SEMA5B: variants seen among roughly 807,000 people sequenced by gnomAD.
SEMA5B encodes semaphorin-5B.
SEMA5B carries 66 observed loss-of-function variants against 135.0 expected under a neutral mutation model. That is an observed-to-expected ratio of 0.49 (90% CI 0.40 to 0.60). SEMA5B has a LOEUF of 0.60. Among genes scored for constraint, SEMA5B ranks in the 20% least tolerant of loss-of-function variants. The pLI, the probability that SEMA5B is intolerant of heterozygous loss-of-function variation, is 0.00. For missense variants in SEMA5B, 1,501 were observed against 1,566.3 expected, an observed-to-expected ratio of 0.96 and a Z score of 0.70; for synonymous variants, 690 against 639.5, an observed-to-expected ratio of 1.08 and a Z score of -1.19.
rs187127319 is a variant in SEMA5B at position 122,955,131 on chromosome 3, C to T, written c.124+6009G>A. Among the ~76,000 whole-genome samples, 130 of 150,278 alleles carry T rather than the reference C, an allele frequency of 8.7e-4. 2 individuals are homozygous for T. The highest frequency in any genetic ancestry group is 3.0e-3 in the African/African-American group (123 of 40,956). On this transcript the variant is annotated intron_variant, in intron 2 of 22. Coordinates refer to ENST00000357599, the MANE Select transcript of SEMA5B (RefSeq NM_001031702.4). Reference sequence around the variant, plus strand: ...ATCTTCTTCTTTTTTTTTTTTAGACCGTGTCTCTAAAAAAACAAAGGACGT... The same window carrying T: ...ATCTTCTTCTTTTTTTTTTTTAGACTGTGTCTCTAAAAAAACAAAGGACGT...
chr3:122,939,348 G>A, intron 5 of SEMA5B, 77 bp downstream of exon 5: 4 of 1,152,684 alleles, frequency 3.5e-6, no homozygotes, highest in Non-Finnish European at 2.6e-6. Flanking sequence ...ATTCTGAATG[G>A]CGCCACTTGC....
intron 14 of SEMA5B, among the ~76,000 whole-genome samples, chr3:122,914,347 C>T (rs1259335500): frequency 6.6e-6 from 1 of 152,176 alleles, no homozygotes; most frequent in Non-Finnish European, 1.5e-5. Context: ...CCCTTTCAGC[C>T]TTCCTGGCTG....
intron 10 of SEMA5B, among the ~76,000 whole-genome samples, chr3:122,923,231 T>C (rs1316014760): frequency 6.6e-6 from 1 of 152,172 alleles, no homozygotes; most frequent in Non-Finnish European, 1.5e-5. Flanking sequence ...ACTGACCACT[T>C]CCAGGAATTA....
intron 1 of SEMA5B, among the ~76,000 whole-genome samples, chr3:123,016,142 C>T (rs1942549268): frequency 6.6e-6 from 1 of 152,184 alleles, no homozygotes; most frequent in Non-Finnish European, 1.5e-5. Flanking sequence ...CAGCCCAAGC[C>T]TTAATTGATC....
At chr3:122,969,166 T>G (rs992074960) in intron 1 of SEMA5B, among the ~76,000 whole-genome samples, 10 of 152,236 alleles carry the variant, frequency 6.6e-5, no homozygotes, top group Non-Finnish European at 1.3e-4. Flanking sequence ...TCTTTTCAGA[T>G]GAGGAAACTG....
At chr3:122,966,764 T>C (rs1940855414) in intron 1 of SEMA5B, among the ~76,000 whole-genome samples, 1 of 150,462 alleles carries the variant, frequency 6.6e-6, no homozygotes, top group South Asian at 2.1e-4. Context: ...TTCACCATGT[T>C]AGCCAGGATG....
rs1941460179 is a variant in SEMA5B at position 122,979,797 on chromosome 3, C to G, written c.-38-18496G>C. ...CTGGCTATCTGGCTGTTTGTTTTGG[C>G]CAAACCAGCATACAGGCTCAAAACC... On this transcript the variant is annotated intron_variant, in intron 1 of 22. Coordinates refer to ENST00000357599, the MANE Select transcript of SEMA5B (RefSeq NM_001031702.4). 2.0e-5 allele frequency among the ~76,000 whole-genome samples: 3 copies of G among 152,200 alleles called. No homozygotes were observed. In the South Asian group the frequency reaches 6.2e-4, roughly 31 times the overall value.
In SEMA5B at chr3:122,912,279, T is replaced by A. The variant is rs1243890204; in HGVS notation, c.2789A>T (p.His930Leu). 6.2e-7 allele frequency: 1 copy of A among 1,611,912 alleles called. No individual in the cohort carries two copies. Among genetic ancestry groups the A allele is most frequent in the East Asian group, 2.2e-5 (1 of 44,762 alleles). ...SPCSASCGGG[H>L]YQRTRSCTSP... is the part of the protein sequence containing the mutation. ...GGTGCAGGAACGGGTGCGTTGATAG[T>A]GACCCCCACCACAGGAAGCTGAGCA... The change falls in exon 19 of 23, where the codon CAC becomes CTC. Residue 930 changes from histidine (H) to leucine (L), a missense_variant. His to Leu is a moderately conservative substitution (Grantham distance 99). Around this residue, in one of 2 missense-constraint regions of SEMA5B, gnomAD observed 927 missense variants for 881.6 expected, o/e 1.05. Transcript: ENST00000357599.
At chr3:123,022,942 G>A (rs9820092) in intron 1 of SEMA5B, among the ~76,000 whole-genome samples, 47,251 of 152,176 alleles carry the variant, frequency 0.31, 12,223 homozygotes, top group African/African-American at 0.71. Context: ...TTCAGAAGGA[G>A]AGTATTGGAG....
intron 1 of SEMA5B, chr3:122,976,116 T>C (rs1407431150): frequency 1.3e-6 from 2 of 1,535,274 alleles, no homozygotes; most frequent in Non-Finnish European, 8.7e-7. Flanking sequence ...TGCTGACAGA[T>C]GCAGCATGTG....
chr3:122,963,771 G>T (rs932411648), intron 1 of SEMA5B, among the ~76,000 whole-genome samples: 1 of 152,130 alleles, frequency 6.6e-6, no homozygotes, highest in Non-Finnish European at 1.5e-5. Flanking sequence ...ATAGAGGAAG[G>T]TGCCATAAAA....
chr3:122,997,814 C>T (rs900477251), intron 1 of SEMA5B, among the ~76,000 whole-genome samples: 3 of 151,944 alleles, frequency 2.0e-5, no homozygotes, highest in Admixed American at 6.5e-5. Context: ...GAGGCCTCTA[C>T]CCTCAGGCCA....
At chr3:122,970,002 G>A (rs9855912) in intron 1 of SEMA5B, among the ~76,000 whole-genome samples, 17,058 of 152,190 alleles carry the variant, frequency 0.11, 1,775 homozygotes, top group East Asian at 0.31. Flanking sequence ...TTCCTGCAGA[G>A]TTGGGTGGCT....
chr3:122,983,658 C>T (rs200423476), intron 1 of SEMA5B, among the ~76,000 whole-genome samples: 15 of 126,632 alleles, frequency 1.2e-4, no homozygotes, highest in African/African-American at 4.5e-4. Flanking sequence ...GCGGAGCTTG[C>T]AGTGAACCAA....
chr3:123,018,265 G>A (rs191075728), intron 1 of SEMA5B, among the ~76,000 whole-genome samples: 1 of 152,346 alleles, frequency 6.6e-6, no homozygotes, highest in African/African-American at 2.4e-5. Context: ...TTGGGAAGAT[G>A]CTCATTCTAG....
chr3:122,943,156 C>G lies in SEMA5B; in HGVS notation c.428+280G>C, dbSNP rs538265829. Among the ~76,000 whole-genome samples, 11 of 152,276 alleles carry G rather than the reference C, an allele frequency of 7.2e-5. No homozygotes were observed. The East Asian group carries it at 1.7e-3, about 24-fold the overall frequency. ...AGCCGGGCAGGGACCAGGCAGGGAC[C>G]GGGCAGGAGGTGGCCAGCAGGCGTC... On this transcript the variant is annotated intron_variant, in intron 4 of 22. Coordinates refer to ENST00000357599, the MANE Select transcript of SEMA5B (RefSeq NM_001031702.4).
intron 2 of SEMA5B, among the ~76,000 whole-genome samples, chr3:122,958,921 C>T (rs753459657): frequency 3.9e-5 from 6 of 152,104 alleles, no homozygotes; most frequent in Non-Finnish European, 7.3e-5. Flanking sequence ...ATGAGTGTTC[C>T]GGCAGTCCTC....
chr3:123,022,247 T>A (rs1576414404), intron 1 of SEMA5B, among the ~76,000 whole-genome samples: 1 of 152,352 alleles, frequency 6.6e-6, no homozygotes, highest in Non-Finnish European at 1.5e-5. Flanking sequence ...CTCAGGGGAC[T>A]GGCAGGACAG....
chr3:123,006,457 C>T (rs778706580), intron 1 of SEMA5B, among the ~76,000 whole-genome samples: 5 of 152,200 alleles, frequency 3.3e-5, no homozygotes, highest in African/African-American at 7.2e-5. Flanking sequence ...AAAGCTTTCC[C>T]ATACCAATTT....
Sources: gnomAD v4.1 joint callset for allele counts (sites outside exome capture counted in the v4.1 genomes callset) on GRCh38, gnomAD v4.1.1 for gene constraint, gnomAD v4.1.1 regional missense constraint, MANE v1.5 for transcripts, NCBI Gene and HGNC (gene_info 2026-07-23, HGNC 2026-07-21) for gene names.